The following SYTL3 variants were observed in gnomAD, a reference collection of about 807,000 sequenced individuals.
The protein encoded by SYTL3 is synaptotagmin like 3, also known as synaptotagmin-like protein 3.
Under a neutral mutation model 82.1 loss-of-function variants are expected in SYTL3, and 88 were observed. The ratio of observed to expected loss-of-function variants is 1.07; its 90% CI spans 0.90 to 1.28. SYTL3 has a LOEUF of 1.28. Among genes scored for constraint, SYTL3 ranks in the 50% most tolerant of loss-of-function variants. The probability of loss-of-function intolerance (pLI) is 0.00; values close to 1 mark genes in which losing one functional copy is unlikely to be tolerated. For missense variants in SYTL3, 831 were observed against 757.6 expected (o/e 1.10, Z -1.14); for synonymous variants, 311 against 289.4 (o/e 1.07, Z -0.76).
chr6:158,748,260 TCAA>T, intron 12 of SYTL3, among the ~76,000 whole-genome samples: 1 of 152,200 alleles, frequency 6.6e-6, no homozygotes, highest in Non-Finnish European at 1.5e-5. Flanking sequence ...GTTGATTTAA[TCAA>T]ACTCTCTTCT....
At chr6:158,744,282 T>TG (rs1787312953) in intron 11 of SYTL3, among the ~76,000 whole-genome samples, 2 of 142,738 alleles carry the variant, frequency 1.4e-5, no homozygotes, top group African/African-American at 2.8e-5. Flanking sequence ...CCCCCAGGCT[T>TG]GTTTTTTTTT....
At chr6:158,708,936 G>A (rs569615481) in intron 8 of SYTL3, among the ~76,000 whole-genome samples, 49 of 152,156 alleles carry the variant, frequency 3.2e-4, no homozygotes, top group Non-Finnish European at 6.3e-4. Context: ...AAAGTAAATT[G>A]AAAATACTGT....
At chr6:158,685,801 A>G (rs1779237701) in intron 6 of SYTL3, among the ~76,000 whole-genome samples, 1 of 152,150 alleles carries the variant, frequency 6.6e-6, no homozygotes, top group African/African-American at 2.4e-5. Context: ...CTGGGCAACA[A>G]GAGTGAAACT....
intron 11 of SYTL3, among the ~76,000 whole-genome samples, chr6:158,737,525 C>T (rs1786338002): frequency 6.6e-6 from 1 of 152,232 alleles, no homozygotes; most frequent in African/African-American, 2.4e-5. Context: ...GGCTCCCTGC[C>T]TGCCTTGAGT....
intron 13 of SYTL3, 35 bp downstream of exon 13, chr6:158,752,065 TC>T: frequency 1.3e-6 from 2 of 1,490,608 alleles, no homozygotes; most frequent in Non-Finnish European, 1.8e-6. Context: ...TGCAGAGTCC[TC>T]CCGAGCCCGG....
chr6:158,674,651 A>G (rs1777825549), intron 5 of SYTL3, among the ~76,000 whole-genome samples: 1 of 152,146 alleles, frequency 6.6e-6, no homozygotes, highest in Non-Finnish European at 1.5e-5. Context: ...GGGGCACAGC[A>G]TCTAACCGTT....
At chr6:158,758,283 C>A (rs1789413079) in intron 14 of SYTL3, among the ~76,000 whole-genome samples, 1 of 152,012 alleles carries the variant, frequency 6.6e-6, no homozygotes, top group Non-Finnish European at 1.5e-5. Context: ...TCTAAAAATA[C>A]AAAAATTAGC....
intron 2 of SYTL3, among the ~76,000 whole-genome samples, chr6:158,658,761 C>A (rs1405094431): frequency 1.1e-5 from 1 of 89,318 alleles, no homozygotes; most frequent in Non-Finnish European, 2.2e-5. Flanking sequence ...CCTGTCTGTA[C>A]TAAAAATACA....
At chr6:158,690,593 A>G (rs921978004) in intron 6 of SYTL3, among the ~76,000 whole-genome samples, 3 of 152,250 alleles carry the variant, frequency 2.0e-5, no homozygotes, top group South Asian at 2.1e-4. Flanking sequence ...GTGTTGTGCT[A>G]TTTTTTCAAC....
At chr6:158,714,550 C>G (rs1783139740) in intron 9 of SYTL3, among the ~76,000 whole-genome samples, 1 of 152,172 alleles carries the variant, frequency 6.6e-6, no homozygotes, top group African/African-American at 2.4e-5. Flanking sequence ...AGAACCACCT[C>G]CACTTGCAAT....
intron 8 of SYTL3, among the ~76,000 whole-genome samples, chr6:158,709,566 T>C (rs892108617): frequency 6.6e-6 from 1 of 152,160 alleles, no homozygotes; most frequent in African/African-American, 2.4e-5. Context: ...ATAATGTCTG[T>C]GTTGGTACTT....
intron 9 of SYTL3, among the ~76,000 whole-genome samples, chr6:158,717,055 G>T (rs1783503534): frequency 6.6e-6 from 1 of 152,232 alleles, no homozygotes; most frequent in Admixed American, 6.5e-5. Flanking sequence ...GCCAAGGTGG[G>T]TGGATCTCTT....
chr6:158,669,613 A>C (rs1381573945), intron 5 of SYTL3, among the ~76,000 whole-genome samples: 12 of 152,186 alleles, frequency 7.9e-5, no homozygotes, highest in Admixed American at 7.9e-4. Flanking sequence ...GAATTGCTCA[A>C]ATTTGTCTCT....
At chr6:158,748,051 C>T (rs1415110637) in intron 12 of SYTL3, among the ~76,000 whole-genome samples, 3 of 149,276 alleles carry the variant, frequency 2.0e-5, no homozygotes, top group South Asian at 2.1e-4. Flanking sequence ...GGTTTAAATA[C>T]GTTCTCTGGT....
At chr6:158,657,445 A>AAAAG (rs1318248057) in intron 2 of SYTL3, among the ~76,000 whole-genome samples, 1 of 150,368 alleles carries the variant, frequency 6.7e-6, no homozygotes, top group Non-Finnish European at 1.5e-5. Flanking sequence ...AAAAAAAAAA[A>AAAAG]AGAGAGAAAA....
chr6:158,710,200 A>T (rs1315525413), intron 8 of SYTL3, among the ~76,000 whole-genome samples: 1 of 152,228 alleles, frequency 6.6e-6, no homozygotes, highest in African/African-American at 2.4e-5. Flanking sequence ...ATATTCATAA[A>T]GAAATACATC....
chr6:158,682,914 C>T lies in SYTL3; in HGVS notation c.330-11C>T. On this transcript the variant is annotated splice_polypyrimidine_tract_variant and intron_variant, in intron 5 of 17. Coordinates refer to ENST00000611299, the MANE Select transcript of SYTL3 (RefSeq NM_001242394.2). ...CTCTCTCTGAAGCTTCCTTTCTGCT[C>T]ATTTTTTCAGGAATGTCAAAATAAA... 1.2e-6 allele frequency: 2 copies of T among 1,610,178 alleles called. No individual in the cohort carries two copies. Among genetic ancestry groups the T allele is most frequent in the Non-Finnish European group, 1.7e-6 (2 of 1,176,634 alleles).
chr6:158,682,042 A>C (rs1239355114), intron 5 of SYTL3, among the ~76,000 whole-genome samples: 3 of 151,806 alleles, frequency 2.0e-5, no homozygotes, highest in African/African-American at 7.3e-5. Flanking sequence ...GTTCAAGCGA[A>C]AATTCTCCTG....
chr6:158,692,297 G>A (rs1463270259), intron 6 of SYTL3, among the ~76,000 whole-genome samples: 1 of 106,820 alleles, frequency 9.4e-6, no homozygotes, highest in Non-Finnish European at 2.0e-5. Context: ...AAAAAAAAAG[G>A]GTTAAATGTA....
Sources: gnomAD v4.1 joint callset for allele counts (sites outside exome capture counted in the v4.1 genomes callset) on GRCh38, gnomAD v4.1.1 for gene constraint, MANE v1.5 for transcripts, NCBI Gene and HGNC (gene_info 2026-07-23, HGNC 2026-07-21) for gene names.